The following MST1R variants were observed in gnomAD, a reference collection of about 807,000 sequenced individuals.
MST1R encodes the protein macrophage-stimulating protein receptor.
MST1R carries 99 observed loss-of-function variants against 117.8 expected under a neutral mutation model. The ratio of observed to expected loss-of-function variants is 0.84; its 90% confidence interval spans 0.71 to 0.99. The LOEUF (loss-of-function observed/expected upper bound fraction) is 0.99. MST1R is among the 50% of genes least tolerant of loss of function. The pLI is 0.00. For missense variants in MST1R, 1,683 were observed against 1,840.2 expected (o/e 0.91, Z 1.56); for synonymous variants, 734 against 765.3 (o/e 0.96, Z 0.68).
At chr3:49,901,204 G>C (rs1182860642) in intron 1 of MST1R, among the ~76,000 whole-genome samples, 2 of 152,246 alleles carry the variant, frequency 1.3e-5, no homozygotes, top group Non-Finnish European at 2.9e-5. Context: ...TCAGCAGAGG[G>C]AGGGAGGCTA....
intron 1 of MST1R, among the ~76,000 whole-genome samples, chr3:49,901,641 TCCCCCAATCA>T (rs938850159): frequency 4.0e-5 from 6 of 151,728 alleles, no homozygotes; most frequent in African/African-American, 1.2e-4. Flanking sequence ...TTCTGGGTAC[TCCCCCAATCA>T]CCCCCAATCA....
chr3:49,898,526 G>C lies in MST1R; in HGVS notation c.1711C>G (p.Leu571Val). The change falls in exon 4 of 20, where the codon CTT (leucine) becomes GTT (valine). Residue 571 changes from leucine (L) to valine (V), a missense_variant. Leu to Val is a conservative substitution (Grantham distance 32). Coordinates refer to ENST00000296474, the MANE Select transcript of MST1R (RefSeq NM_002447.4). ...SWQQDHCPPK[L>V]TEFHPHSGPL... ...TGCCAGGGAAGCCATACCTCAGTAA[G>C]CTTAGGTGGGCAGTGGTCCTGTTGC... The C allele has an allele frequency of 1.2e-6, 2 of 1,613,650 alleles. No homozygotes were observed. The highest frequency in any genetic ancestry group is 1.7e-6 in the Non-Finnish European group (2 of 1,179,932).
At chr3:49,899,848 A>C (rs940086306) in intron 1 of MST1R, among the ~76,000 whole-genome samples, 3 of 151,830 alleles carry the variant, frequency 2.0e-5, no homozygotes, top group South Asian at 4.2e-4. Context: ...CTGGGATTAC[A>C]GGCATGAGCC....
Position 49,895,231 on chromosome 3 carries a change from C to A in MST1R, c.3207G>T (p.Glu1069Asp), listed in dbSNP as rs775877549. The change falls in exon 14 of 20, where the codon GAG becomes GAT. Residue 1069 changes from glutamate (E) to aspartate (D), a missense_variant. By Grantham distance (45) the Glu-to-Asp change is conservative. Transcript: ENST00000296474. ...CATGGGGAATCAGCACATCCTTGAC[C>A]TCAGCCAAGAGCGCAGAGTCCAGGT... ...LRDLDSALLA[E>D]VKDVLIPHER... The A allele has an allele frequency of 3.7e-6, 6 of 1,614,118 alleles. No homozygotes were observed. In the African/African-American group the frequency reaches 6.7e-5, roughly 18 times the overall value.
chr3:49,901,412 T>G (rs953458118), intron 1 of MST1R, among the ~76,000 whole-genome samples: 6 of 152,074 alleles, frequency 3.9e-5, no homozygotes, highest in South Asian at 4.1e-4. Context: ...GGAGAGAACC[T>G]AGATAGAGTC....
chr3:49,895,553 G>A lies in MST1R; in HGVS notation c.2963-5C>T, dbSNP rs749561793. On this transcript the variant is annotated splice_region_variant and splice_polypyrimidine_tract_variant and intron_variant, in intron 12 of 19. Transcript: ENST00000296474. ...CATTCAGGTTGGGAGGAAGAACTGT[G>A]GAAAGAGAATCCTTGGTGGCTTGGC... 6.2e-7 allele frequency: 1 copy of A among 1,614,072 alleles called. No homozygotes were observed. Among genetic ancestry groups the A allele is most frequent in the Non-Finnish European group, 8.5e-7 (1 of 1,179,956 alleles).
chr3:49,899,475 ACTCCTCATTCTCCCTGCCC>A, intron 1 of MST1R: 1 of 494,474 alleles, frequency 2.0e-6, no homozygotes. Flanking sequence ...TGGAAGGTCC[ACTCCTCATTCTCCCTGCCC>A]CACCCTGCCA....
In MST1R at chr3:49,891,188, G is replaced by T. The variant is rs770124432; in HGVS notation, c.3644+9C>A. On this transcript the variant is annotated intron_variant, in intron 17 of 19. Coordinates refer to ENST00000296474, the MANE Select transcript of MST1R (RefSeq NM_002447.4). ...CTTTTGCTTCACCCCAGCTACTCTG[G>T]ACTCTCACATGCAGTTCCGCGCAGC... 1 of 1,612,728 alleles carries T rather than the reference G, an allele frequency of 6.2e-7. No individual in the cohort carries two copies. The highest frequency in any genetic ancestry group is 1.1e-5 in the South Asian group (1 of 91,060).
In MST1R at chr3:49,897,505, G is replaced by T. The variant is rs1178310606; in HGVS notation, c.2046+15C>A. On this transcript the variant is annotated intron_variant, in intron 6 of 19. Transcript: ENST00000296474. The stretch of plus-strand genomic sequence containing the variant: ...TGCACTGGCCAAGGGCACAGACAGG[G>T]CAAGGTAGCCTCACCATGAAAGAGA... 2.5e-6 allele frequency: 4 copies of T among 1,612,346 alleles called. No homozygotes were observed. The highest frequency in any genetic ancestry group is 1.7e-5 in the Admixed American group (1 of 59,910).
chr3:49,903,560 A>G lies in MST1R; in HGVS notation c.50T>C (p.Leu17Ser). 1 of 1,592,562 alleles carries G rather than the reference A, an allele frequency of 6.3e-7. No individual in the cohort carries two copies. ...LPQSFLLLLL[L>S]PAKPAAGEDW... ...CTCGCCCGCCGCGGGCTTGGCAGGC[A>G]ACAGCAGCAGCAACAGGAAGGACTG... The change falls in exon 1 of 20, where the codon TTG becomes TCG. Residue 17 changes from leucine to serine, a missense_variant. Coordinates refer to ENST00000296474, the MANE Select transcript of MST1R (RefSeq NM_002447.4).
At position 49,893,898 on chromosome 3, in the gene MST1R, C is replaced by CA. The variant is rs1442289482; in HGVS notation, c.3271+1268dup. ...TGGGTGAAAGAGTGAGACTCCCTCT[C>CA]AAAAAAAAAAAAAAAATAAAATAAA... On this transcript the variant is annotated intron_variant, in intron 14 of 19. Coordinates refer to ENST00000296474, the MANE Select transcript of MST1R (RefSeq NM_002447.4). Among the ~76,000 whole-genome samples, 657 of 130,088 alleles carry CA rather than the reference C, an allele frequency of 5.1e-3. 5 individuals are homozygous for CA. Among genetic ancestry groups the CA allele is most frequent in the East Asian group, 0.025 (85 of 3,426 alleles). The allele number at this position is 130,088 out of a possible 152,430, so 85.3% of individuals were successfully genotyped here. A position where few individuals can be genotyped will look rare whatever the true frequency, so the allele number is the denominator to read the frequency against.
intron 18 of MST1R, 24 bp downstream of exon 18, chr3:49,890,461 A>G (rs760119381): frequency 6.5e-5 from 104 of 1,598,824 alleles, no homozygotes; most frequent in Non-Finnish European, 8.3e-5. Flanking sequence ...AGCCATGTGG[A>G]CTGTAGGGCA....
At position 49,903,374 on chromosome 3, in the gene MST1R, T is replaced by C. The variant is rs529137211; in HGVS notation, c.236A>G (p.His79Arg). ...AVFVAIRNRL[H>R]VLGPDLKSVQ... ...AGACTTCAGGTCAGGCCCAAGCACA[T>C]GCAGGCGATTGCGTATGGCTACAAA... Residue 79 changes from histidine (H) to arginine (R), a missense_variant, in exon 1 of 20, where the codon CAT becomes CGT. Physicochemically the swap from His to Arg is conservative, Grantham distance 29. Transcript: ENST00000296474. 1.1e-5 allele frequency: 18 copies of C among 1,614,022 alleles called. No homozygotes were observed. Among genetic ancestry groups the C allele is most frequent in the South Asian group, 1.1e-4 (10 of 91,092 alleles).
chr3:49,898,737 G>C lies in MST1R; in HGVS notation c.1549-49C>G, dbSNP rs765462994. 4.3e-6 allele frequency: 7 copies of C among 1,609,998 alleles called. No homozygotes were observed. The African/African-American group carries it at 8.0e-5, about 18-fold the overall frequency. On this transcript the variant is annotated intron_variant, in intron 3 of 19. Transcript: ENST00000296474. ...CAGGGGTGCCTGGAGGGAGAGATTG[G>C]GCCCTATAGACCCTCCCGGTACACA...
rs199531010 is a variant in MST1R at position 49,902,560 on chromosome 3, A to T, written c.1050T>A (p.Phe350Leu). The change falls in exon 1 of 20, where the codon TTT (phenylalanine) becomes TTA (leucine). Residue 350 changes from phenylalanine (F) to leucine (L), a missense_variant. Phe to Leu is a conservative substitution (Grantham distance 22). Coordinates refer to ENST00000296474, the MANE Select transcript of MST1R (RefSeq NM_002447.4). ...AEGQEVLFGVFVTGKDGGPGV... is the reference protein window; with the variant it reads ...AEGQEVLFGVLVTGKDGGPGV... ...CAGGACCACCATCCTTGCCAGTCAC[A>T]AAGACCCCAAATAGTACTTCCTGGC... is the stretch of plus-strand genomic sequence containing the variant. 257 of 1,613,972 alleles carry T rather than the reference A, an allele frequency of 1.6e-4. No individual in the cohort carries two copies. Among genetic ancestry groups the T allele is most frequent in the Non-Finnish European group, 2.1e-4 (250 of 1,180,046 alleles).
Position 49,903,034 on chromosome 3 carries a change from G to C in MST1R, c.576C>G (p.Gly192=). 6.2e-7 allele frequency: 1 copy of C among 1,612,228 alleles called. No homozygotes were observed. Among genetic ancestry groups the C allele is most frequent in the Non-Finnish European group, 8.5e-7 (1 of 1,180,044 alleles). Reference sequence around the variant, plus strand: ...ATGCCACGTAGAAATAGGAGGCCTGGCCTTGCTCAACCACAGTTACACGGG... The same window carrying C: ...ATGCCACGTAGAAATAGGAGGCCTGCCCTTGCTCAACCACAGTTACACGGG... ...LGTRVTVVEQ[G]QASYFYVASS... The change falls in exon 1 of 20, where the codon GGC becomes GGG. Residue 192 remains glycine, a synonymous_variant. Coordinates refer to ENST00000296474, the MANE Select transcript of MST1R (RefSeq NM_002447.4).
intron 3 of MST1R, 21 bp from the exon 4 acceptor site, chr3:49,898,709 AC>A: frequency 1.2e-6 from 2 of 1,613,190 alleles, no homozygotes; most frequent in South Asian, 2.2e-5. Flanking sequence ...AAGACAGGTG[AC>A]TCAGGGGTGC....
At position 49,903,271 on chromosome 3, in the gene MST1R, G is replaced by A. The variant is rs765638338; in HGVS notation, c.339C>T (p.Gly113=). Residue 113 remains glycine, a synonymous_variant, in exon 1 of 20, where the codon GGC becomes GGT. Coordinates refer to ENST00000296474, the MANE Select transcript of MST1R (RefSeq NM_002447.4). ...TCAACGPGPH[G]PPGDTDTKVL... ...CCTTTGTGTCTGTGTCACCGGGAGG[G>A]CCGTGGGGTCCTGGGCCACAGGCTG... 8.7e-6 allele frequency: 14 copies of A among 1,610,466 alleles called. No individual in the cohort carries two copies. Among genetic ancestry groups the A allele is most frequent in the Middle Eastern group, 1.6e-4 (1 of 6,062 alleles).
At chr3:49,893,006 C>T (rs1008492729) in intron 14 of MST1R, among the ~76,000 whole-genome samples, 5 of 151,146 alleles carry the variant, frequency 3.3e-5, no homozygotes, top group African/African-American at 9.7e-5. Context: ...GGGTCGGGTG[C>T]GATGGCTCAC....
Sources: allele counts gnomAD v4.1 joint callset (sites outside exome capture counted in the v4.1 genomes callset), GRCh38; gene constraint gnomAD v4.1.1; transcripts MANE v1.5; gene names NCBI Gene and HGNC (gene_info 2026-07-23, HGNC 2026-07-21).